Variants in RABGEF1 observed in about 807,000 individuals in gnomAD.
The protein encoded by RABGEF1 is RAB guanine nucleotide exchange factor 1.
In RABGEF1, 26 loss-of-function variants were observed where a neutral mutation model predicts 57.3. The ratio of observed to expected loss-of-function variants is 0.45; its 90% confidence interval spans 0.33 to 0.63. The LOEUF is 0.63. Among genes scored for constraint, RABGEF1 ranks in the 20% least tolerant of loss-of-function variants. The pLI is 0.02. For missense variants in RABGEF1, 464 were observed against 607.6 expected (o/e 0.76, Z 2.48); for synonymous variants, 185 against 210.7 (o/e 0.88, Z 1.06).
chr7:66,798,960 AAAG>A (rs1786662976), intron 6 of RABGEF1, among the ~76,000 whole-genome samples: 2 of 152,172 alleles, frequency 1.3e-5, no homozygotes, highest in East Asian at 3.9e-4. Flanking sequence ...CTCAAAAAAG[AAAG>A]AAGTTGAGGA....
At chr7:66,736,992 G>A (rs992200485), upstream of RABGEF1, among the ~76,000 whole-genome samples, 3 of 151,778 alleles carry the variant, frequency 2.0e-5, no homozygotes, top group Admixed American at 1.3e-4. Flanking sequence ...ATGCACTGGG[G>A]CTTCCACTGC....
intron 2 of RABGEF1, among the ~76,000 whole-genome samples, chr7:66,773,073 CTAGT>C (rs1176996336): frequency 7.3e-6 from 1 of 137,340 alleles, no homozygotes; most frequent in African/African-American, 2.6e-5. Context: ...ACTCCTCTAG[CTAGT>C]TGTTTGTTTT....
intron 1 of RABGEF1, among the ~76,000 whole-genome samples, chr7:66,743,048 G>A (rs1799364498): frequency 6.6e-6 from 1 of 152,106 alleles, no homozygotes; most frequent in Non-Finnish European, 1.5e-5. Context: ...GGTGGCTCAC[G>A]CCTGTAATCC....
chr7:66,687,649 G>C (rs1190310331), intron 1 of RABGEF1, among the ~76,000 whole-genome samples: 1 of 152,092 alleles, frequency 6.6e-6, no homozygotes, highest in Non-Finnish European at 1.5e-5. Context: ...GGATGACAGA[G>C]CCTTGGGAAA....
chr7:66,782,009 A>C (rs1810029741), intron 3 of RABGEF1, among the ~76,000 whole-genome samples: 1 of 152,218 alleles, frequency 6.6e-6, no homozygotes, highest in African/African-American at 2.4e-5. Flanking sequence ...CCAGTTGTTA[A>C]GATAGTAGAG....
upstream of RABGEF1, among the ~76,000 whole-genome samples, chr7:66,737,056 G>A (rs1562754692): frequency 7.6e-6 from 1 of 130,872 alleles, no homozygotes. Context: ...AGGGGGGAGA[G>A]AGAGAGAGAG....
At chr7:66,696,455 C>G (rs1792346060) in intron 1 of RABGEF1, among the ~76,000 whole-genome samples, 1 of 151,846 alleles carries the variant, frequency 6.6e-6, no homozygotes, top group African/African-American at 2.4e-5. Flanking sequence ...TTTGAGAGGC[C>G]AAGGGAGGTG....
At chr7:66,738,649 T>C (rs1798327848), upstream of RABGEF1, among the ~76,000 whole-genome samples, 1 of 151,062 alleles carries the variant, frequency 6.6e-6, no homozygotes, top group Admixed American at 6.6e-5. Flanking sequence ...GAAGGATCAC[T>C]TGAGCCAGGG....
At chr7:66,762,124 G>T (rs1464988742) in intron 1 of RABGEF1, among the ~76,000 whole-genome samples, 1 of 151,990 alleles carries the variant, frequency 6.6e-6, no homozygotes, top group Non-Finnish European at 1.5e-5. Context: ...TACCAGCCAG[G>T]GACTGTGGAC....
intron 1 of RABGEF1, among the ~76,000 whole-genome samples, chr7:66,683,597 T>C (rs1790125278): frequency 6.6e-6 from 1 of 152,050 alleles, no homozygotes. Context: ...CTGTTGGGTG[T>C]GGAGCCTGGA....
intron 2 of RABGEF1, among the ~76,000 whole-genome samples, chr7:66,716,286 T>G (rs1393457766): frequency 6.6e-6 from 1 of 152,174 alleles, no homozygotes. Flanking sequence ...ATTTTTAAAC[T>G]TATAATCTAC....
At chr7:66,755,672 G>A (rs1463075200) in intron 1 of RABGEF1, among the ~76,000 whole-genome samples, 1 of 152,174 alleles carries the variant, frequency 6.6e-6, no homozygotes, top group Non-Finnish European at 1.5e-5. Context: ...GGCTACGGTA[G>A]CCAGATTATC....
intron 3 of RABGEF1, among the ~76,000 whole-genome samples, chr7:66,781,846 C>T (rs1423737708): frequency 1.3e-5 from 2 of 152,214 alleles, no homozygotes; most frequent in Non-Finnish European, 2.9e-5. Flanking sequence ...TTTGAGTGGC[C>T]TCTCCCTGTG....
intron 1 of RABGEF1, among the ~76,000 whole-genome samples, chr7:66,683,509 A>G (rs935776364): frequency 1.3e-5 from 2 of 152,174 alleles, no homozygotes; most frequent in Admixed American, 1.3e-4. Context: ...GGGACAGTCA[A>G]GATACTTTCA....
chr7:66,767,765 A>T (rs538796543), intron 1 of RABGEF1, among the ~76,000 whole-genome samples: 14 of 152,332 alleles, frequency 9.2e-5, no homozygotes, highest in African/African-American at 3.4e-4. Flanking sequence ...CCAGACACCA[A>T]CATCTGTTGA....
chr7:66,719,291 C>T (rs1370629839), intron 2 of RABGEF1, among the ~76,000 whole-genome samples: 1 of 152,188 alleles, frequency 6.6e-6, no homozygotes, highest in East Asian at 1.9e-4. Context: ...CTTAGAGCTC[C>T]TTCTGTCTGT....
At chr7:66,667,840 C>A in the RABGEF1 span, among the ~76,000 whole-genome samples, 1 of 152,166 alleles carries the variant, frequency 6.6e-6, no homozygotes, top group Non-Finnish European at 1.5e-5. Flanking sequence ...CTCTGTCGCC[C>A]AGGCTGGAGT....
the RABGEF1 span, among the ~76,000 whole-genome samples, chr7:66,655,502 A>G: frequency 3.9e-5 from 6 of 152,116 alleles, no homozygotes; most frequent in African/African-American, 9.7e-5. Context: ...TTGGAGAGCT[A>G]CTTTCCCCCC....
chr7:66,787,659 G>C (rs1326011856), intron 4 of RABGEF1, among the ~76,000 whole-genome samples: 1 of 152,054 alleles, frequency 6.6e-6, no homozygotes, highest in Non-Finnish European at 1.5e-5. Context: ...TTGAATTTAA[G>C]AATCTCACCT....
Sources: gnomAD v4.1 joint callset for allele counts (sites outside exome capture counted in the v4.1 genomes callset) on GRCh38, gnomAD v4.1.1 for gene constraint, MANE v1.5 for transcripts, NCBI Gene and HGNC (gene_info 2026-07-23, HGNC 2026-07-21) for gene names.